Variants in ARFIP1 observed in about 807,000 individuals in gnomAD.
The protein encoded by ARFIP1 is arfaptin-1.
Under a neutral mutation model 42.5 loss-of-function variants are expected in ARFIP1, and 24 were observed. The observed-to-expected ratio is 0.57, with a 90% CI of 0.41 to 0.80. The LOEUF is 0.80. Among genes scored for constraint, ARFIP1 ranks in the 30% least tolerant of loss-of-function variants. ARFIP1 has a pLI of 0.00. For synonymous variants in ARFIP1, 141 were observed against 153.7 expected (o/e 0.92, Z 0.61); for missense variants, 354 against 434.0 (o/e 0.82, Z 1.64).
chr4:152,835,274 C>T (rs1387945508), intron 2 of ARFIP1, among the ~76,000 whole-genome samples: 2 of 152,200 alleles, frequency 1.3e-5, no homozygotes, highest in African/African-American at 4.8e-5. Context: ...CATTTATTTG[C>T]TCTCATATCC....
At chr4:152,875,064 T>C (rs1321388122) in intron 5 of ARFIP1, among the ~76,000 whole-genome samples, 1 of 152,192 alleles carries the variant, frequency 6.6e-6, no homozygotes, top group Middle Eastern at 3.2e-3. Context: ...CTGTAACAAA[T>C]GCTTTAATGC....
At chr4:152,857,523 A>G (rs1733541098) in intron 2 of ARFIP1, among the ~76,000 whole-genome samples, 1 of 152,214 alleles carries the variant, frequency 6.6e-6, no homozygotes, top group Admixed American at 6.5e-5. Flanking sequence ...GAGTGAAAGC[A>G]CTTCAAGTGT....
chr4:152,868,504 C>G (rs955731796), intron 3 of ARFIP1, among the ~76,000 whole-genome samples: 1 of 152,104 alleles, frequency 6.6e-6, no homozygotes, highest in African/African-American at 2.4e-5. Context: ...TGATAATTAC[C>G]TTTGAAGGTA....
intron 1 of ARFIP1, among the ~76,000 whole-genome samples, chr4:152,805,691 A>G (rs990728542): frequency 1.3e-5 from 2 of 152,214 alleles, no homozygotes; most frequent in African/African-American, 4.8e-5. Context: ...ATGTAACTGA[A>G]TATAGCACTC....
At position 152,910,154 on chromosome 4, in the gene ARFIP1, A is replaced by G. The variant is rs1738723509; in HGVS notation, c.1057A>G (p.Lys353Glu). ...GNQKQLEQTLKQFHIKLKTPG... is the reference protein window; with the variant it reads ...GNQKQLEQTLEQFHIKLKTPG... ...TCAGAAGCAGCTTGAACAGACACTT[A>G]AACAGTTCCATATCAAATTGAAAAC... The change falls in exon 9 of 9, where the codon AAA becomes GAA. Residue 353 changes from lysine to glutamate, a missense_variant. Lys to Glu is a moderately conservative substitution (Grantham distance 56). Coordinates refer to ENST00000353617, the MANE Select transcript of ARFIP1 (RefSeq NM_001025595.3). The G allele has an allele frequency of 6.2e-7, 1 of 1,614,186 alleles. No homozygotes were observed. The highest frequency in any genetic ancestry group is 8.5e-7 in the Non-Finnish European group (1 of 1,180,026).
intron 1 of ARFIP1, among the ~76,000 whole-genome samples, chr4:152,782,936 C>A (rs1361621182): frequency 6.6e-6 from 1 of 152,058 alleles, no homozygotes; most frequent in Non-Finnish European, 1.5e-5. Context: ...TCATGAGTAT[C>A]CAGTTTCTTC....
At chr4:152,817,451 A>G (rs998643592) in intron 1 of ARFIP1, among the ~76,000 whole-genome samples, 13 of 152,352 alleles carry the variant, frequency 8.5e-5, no homozygotes, top group South Asian at 4.1e-4. Flanking sequence ...CACCATATAC[A>G]AAAATTAACT....
At chr4:152,841,338 C>G (rs527531110) in intron 2 of ARFIP1, among the ~76,000 whole-genome samples, 8 of 152,130 alleles carry the variant, frequency 5.3e-5, no homozygotes, top group Non-Finnish European at 1.0e-4. Context: ...CAGGCCAGTT[C>G]TGTATCTTTT....
intron 2 of ARFIP1, among the ~76,000 whole-genome samples, chr4:152,838,055 A>G (rs1002016130): frequency 1.3e-5 from 2 of 151,888 alleles, no homozygotes; most frequent in Non-Finnish European, 2.9e-5. Flanking sequence ...ACTTTATGTT[A>G]TTGTTTGCTT....
intron 2 of ARFIP1, among the ~76,000 whole-genome samples, chr4:152,833,242 C>A (rs992722826): frequency 1.4e-3 from 190 of 136,100 alleles, no homozygotes; most frequent in South Asian, 1.9e-3. Flanking sequence ...AGACATTTTT[C>A]AAAAAAAAAA....
At chr4:152,860,477 C>G (rs935352169) in intron 2 of ARFIP1, among the ~76,000 whole-genome samples, 1 of 152,110 alleles carries the variant, frequency 6.6e-6, no homozygotes, top group African/African-American at 2.4e-5. Context: ...GAAACTCCAC[C>G]CTGTATCTCT....
At chr4:152,804,143 C>CGTAATATATATATTATATATAATATAAG (rs1728694535) in intron 1 of ARFIP1, among the ~76,000 whole-genome samples, 1 of 47,704 alleles carries the variant, frequency 2.1e-5, no homozygotes, top group Non-Finnish European at 3.9e-5. Flanking sequence ...TATAATATAA[C>CGTAATATATATATTATATATAATATAAG]ATGTATTATA....
At chr4:152,873,346 C>T (rs1356902144) in intron 5 of ARFIP1, among the ~76,000 whole-genome samples, 1 of 152,146 alleles carries the variant, frequency 6.6e-6, no homozygotes, top group East Asian at 1.9e-4. Flanking sequence ...CTTACATCTT[C>T]TCAACAGTAA....
chr4:152,865,271 G>A (rs1363212154), intron 3 of ARFIP1, among the ~76,000 whole-genome samples: 3 of 151,888 alleles, frequency 2.0e-5, no homozygotes, highest in Non-Finnish European at 4.4e-5. Flanking sequence ...CAAGTAGTTG[G>A]GATTACAGGC....
intron 8 of ARFIP1, among the ~76,000 whole-genome samples, chr4:152,903,672 A>G (rs997234134): frequency 3.9e-5 from 6 of 152,196 alleles, no homozygotes; most frequent in Non-Finnish European, 7.3e-5. Flanking sequence ...TGTGAAAACT[A>G]GAATTCAATC....
chr4:152,891,348 G>T (rs957000054), intron 8 of ARFIP1, among the ~76,000 whole-genome samples: 20 of 152,048 alleles, frequency 1.3e-4, no homozygotes, highest in African/African-American at 4.3e-4. Context: ...AAGAAACTTT[G>T]GTCTTTGTAT....
chr4:152,816,549 C>G (rs1046449997), intron 1 of ARFIP1, among the ~76,000 whole-genome samples: 2 of 152,210 alleles, frequency 1.3e-5, no homozygotes, highest in Non-Finnish European at 2.9e-5. Context: ...ACCACCATAT[C>G]TAAAACAGCA....
At chr4:152,880,731 TGG>T (rs1162643960) in intron 5 of ARFIP1, among the ~76,000 whole-genome samples, 1 of 152,230 alleles carries the variant, frequency 6.6e-6, no homozygotes, top group East Asian at 1.9e-4. Flanking sequence ...AGAGTTCTTA[TGG>T]CAGTATATAA....
At chr4:152,851,742 T>C (rs568096132) in intron 2 of ARFIP1, among the ~76,000 whole-genome samples, 2 of 152,342 alleles carry the variant, frequency 1.3e-5, no homozygotes, top group South Asian at 4.1e-4. Flanking sequence ...TAGGACATTC[T>C]CAAGGATATA....
Sources: gnomAD v4.1 joint callset for allele counts (sites outside exome capture counted in the v4.1 genomes callset) on GRCh38, gnomAD v4.1.1 for gene constraint, MANE v1.5 for transcripts, NCBI Gene and HGNC (gene_info 2026-07-23, HGNC 2026-07-21) for gene names.